The following PUDP variants were observed in gnomAD, a reference collection of about 807,000 sequenced individuals.
PUDP encodes the protein pseudouridine 5'-phosphatase, also known as pseudouridine-5'-phosphatase.
A neutral mutation model predicts 9.4 loss-of-function variants in PUDP; 8 were observed. The observed-to-expected ratio is 0.85, with a 90% confidence interval of 0.50 to 1.53. The LOEUF is 1.53. Among genes scored for constraint, PUDP ranks in the 40% most tolerant of loss-of-function variants. The pLI is 0.00. For synonymous variants in PUDP, 99 were observed against 80.7 expected (o/e 1.23, Z -1.22); for missense variants, 188 against 189.7 (o/e 0.99, Z 0.05).
chrX:7,002,872 C>G (rs1450142007), intron 1 of PUDP, among the ~76,000 whole-genome samples: 2 of 110,068 alleles, frequency 1.8e-5, no homozygotes, highest in African/African-American at 6.6e-5. Flanking sequence ...TCCCTCATCC[C>G]CTGTGAAGGG....
chrX:6,768,518 A>G (rs1389920138), intron 3 of PUDP, among the ~76,000 whole-genome samples: 1 of 112,123 alleles, frequency 8.9e-6, no homozygotes, highest in African/African-American at 3.2e-5. Flanking sequence ...AAGTAAATAC[A>G]TATCATGCCC....
intron 3 of PUDP, among the ~76,000 whole-genome samples, chrX:6,773,542 T>C (rs1253711007): frequency 9.0e-6 from 1 of 111,369 alleles, no homozygotes; most frequent in Non-Finnish European, 1.9e-5. Context: ...TGGGATGTGA[T>C]TGCACAGCAA....
chrX:6,899,850 C>G (rs1289712046), intron 3 of PUDP, among the ~76,000 whole-genome samples: 1 of 111,079 alleles, frequency 9.0e-6, no homozygotes, highest in Non-Finnish European at 1.9e-5. Flanking sequence ...TGTTTAAAGT[C>G]CCCAAATATG....
intron 1 of PUDP, among the ~76,000 whole-genome samples, chrX:7,035,777 G>A (rs1056485881): frequency 2.7e-5 from 3 of 111,661 alleles, no homozygotes; most frequent in Non-Finnish European, 5.6e-5. Context: ...CTTTCCCTGA[G>A]GACTGTTAAG....
At chrX:6,741,818 C>T (rs865986939) in intron 3 of PUDP, among the ~76,000 whole-genome samples, 1 of 97,777 alleles carries the variant, frequency 1.0e-5, no homozygotes, top group Non-Finnish European at 2.1e-5. Flanking sequence ...CTCTCTCTCT[C>T]TCTCTCTCTC....
chrX:6,837,352 C>T (rs112291978), intron 3 of PUDP, among the ~76,000 whole-genome samples: 8,050 of 112,446 alleles, frequency 0.072, 245 homozygotes, highest in Middle Eastern at 0.11. Flanking sequence ...TCCACATAAT[C>T]GCCAGCACAA....
chrX:6,849,870 A>G (rs1926802284), intron 3 of PUDP, among the ~76,000 whole-genome samples: 1 of 112,369 alleles, frequency 8.9e-6, no homozygotes, highest in Non-Finnish European at 1.9e-5. Context: ...AAACCAATCC[A>G]GTTTCCTGAC....
At chrX:6,947,556 G>T (rs1310635638) in intron 3 of PUDP, among the ~76,000 whole-genome samples, 2 of 111,939 alleles carry the variant, frequency 1.8e-5, no homozygotes, top group African/African-American at 6.5e-5. Context: ...GCTTTGAGAG[G>T]CCAAGGCAGG....
At chrX:6,959,052 G>A (rs1928669618) in intron 3 of PUDP, among the ~76,000 whole-genome samples, 1 of 112,021 alleles carries the variant, frequency 8.9e-6, no homozygotes, top group African/African-American at 3.2e-5. Context: ...TTGGAGATTT[G>A]AAGGATTCTC....
chrX:6,979,394 C>T (rs1032321569), intron 1 of PUDP, among the ~76,000 whole-genome samples: 13 of 111,353 alleles, frequency 1.2e-4, no homozygotes, highest in South Asian at 3.8e-4. Context: ...GTGAAATTGC[C>T]GATTATAGTG....
chrX:6,930,786 C>A (rs979905274), intron 3 of PUDP, among the ~76,000 whole-genome samples: 24 of 110,627 alleles, frequency 2.2e-4, no homozygotes, highest in South Asian at 1.6e-3. Flanking sequence ...AATTGGGAGC[C>A]CTCTCCAGTG....
intron 1 of PUDP, among the ~76,000 whole-genome samples, chrX:7,007,415 G>A (rs1209252735): frequency 8.9e-6 from 1 of 112,245 alleles, no homozygotes; most frequent in African/African-American, 3.2e-5. Flanking sequence ...GTTCTATGTG[G>A]AACTTGAGCT....
chrX:6,988,550 C>G (rs1214710742), intron 1 of PUDP, among the ~76,000 whole-genome samples: 2 of 112,082 alleles, frequency 1.8e-5, no homozygotes, highest in Non-Finnish European at 3.8e-5. Context: ...TTAACTTCTT[C>G]TAATCCATAA....
At chrX:6,783,863 G>A (rs1298900166) in intron 3 of PUDP, among the ~76,000 whole-genome samples, 1 of 111,742 alleles carries the variant, frequency 8.9e-6, no homozygotes, top group Non-Finnish European at 1.9e-5. Flanking sequence ...GTATGATTCA[G>A]CCCAAGTTCG....
intron 3 of PUDP, among the ~76,000 whole-genome samples, chrX:6,858,322 C>CTTTTTTTTTTTTCT (rs1162706259): frequency 2.2e-5 from 2 of 89,468 alleles, no homozygotes; most frequent in African/African-American, 4.1e-5. Context: ...TTTTTTCTTT[C>CTTTTTTTTTTTTCT]TTTTTTTTTT....
intron 1 of PUDP, among the ~76,000 whole-genome samples, chrX:7,005,762 C>T (rs1356466404): frequency 9.0e-6 from 1 of 111,056 alleles, no homozygotes; most frequent in Non-Finnish European, 1.9e-5. Context: ...ATTGTACAAC[C>T]ATCAGCGCCA....
intron 3 of PUDP, among the ~76,000 whole-genome samples, chrX:6,918,683 A>C (rs1259148353): frequency 8.9e-6 from 1 of 111,897 alleles, no homozygotes; most frequent in Non-Finnish European, 1.9e-5. Flanking sequence ...TGGTTCACAG[A>C]CAGCCATCTT....
intron 1 of PUDP, among the ~76,000 whole-genome samples, chrX:7,130,938 C>A (rs773004112): frequency 8.9e-6 from 1 of 111,892 alleles, no homozygotes; most frequent in South Asian, 3.7e-4. Flanking sequence ...GGTACTGTAG[C>A]TGTTCAAAGA....
chrX:7,029,617 A>C lies in PUDP; in HGVS notation c.204+47603T>G, dbSNP rs1177298462. On this transcript the variant is annotated intron_variant and NMD_transcript_variant, in intron 1 of 3. Coordinates refer to the PUDP transcript ENST00000655425. ...TGTAAAAGAAAATATCCCTGCAGAC[A>C]CTGGCACTTGAGGGATTACAGTGGT... 2.7e-5 allele frequency among the ~76,000 whole-genome samples: 3 copies of C among 112,193 alleles called. No homozygotes were observed. The East Asian group carries it at 8.5e-4, about 32-fold the overall frequency.
Sources: allele counts gnomAD v4.1 joint callset (sites outside exome capture counted in the v4.1 genomes callset), GRCh38; gene constraint gnomAD v4.1.1; transcripts MANE v1.5; gene names NCBI Gene and HGNC (gene_info 2026-07-23, HGNC 2026-07-21).